Variants in ZNF536 observed in about 807,000 individuals in gnomAD.
ZNF536 encodes zinc finger protein 536.
In ZNF536, 13 loss-of-function variants were observed where a neutral mutation model predicts 84.5. The ratio of observed to expected loss-of-function variants is 0.15; its 90% confidence interval spans 0.10 to 0.24. ZNF536 has a LOEUF of 0.24. ZNF536 is among the 10% of genes least tolerant of loss of function. ZNF536 has a pLI of 1.00. For synonymous variants in ZNF536, 811 were observed against 742.5 expected (o/e 1.09, Z -1.50); for missense variants, 1,536 against 1,747.5 (o/e 0.88, Z 2.16).
intron 1 of ZNF536, among the ~76,000 whole-genome samples, chr19:30,684,248 C>T (rs1250401021): frequency 6.6e-6 from 1 of 152,172 alleles, no homozygotes; most frequent in East Asian, 1.9e-4. Flanking sequence ...GATCCTCCCA[C>T]CTCAGCCTCC....
At chr19:30,289,823 T>C (rs1477108493) in intron 2 of ZNF536, among the ~76,000 whole-genome samples, 1 of 152,216 alleles carries the variant, frequency 6.6e-6, no homozygotes, top group Non-Finnish European at 1.5e-5. Flanking sequence ...GCACACTGCC[T>C]GTGTGTGTTG....
At position 30,534,941 on chromosome 19, in the gene ZNF536, C is replaced by T. The variant is rs1266348715; in HGVS notation, c.2265C>T (p.Tyr755=). Residue 755 remains tyrosine, a synonymous_variant, in exon 3 of 5, where the codon TAC becomes TAT. Transcript: ENST00000355537. ...SLGSAMKDCP[Y]CGKTFRTSHH... ...GCTCGGCCATGAAGGACTGCCCGTA[C>T]TGTGGGAAAACTTTCCGGACATCCC... is the stretch of plus-strand genomic sequence containing the variant. The T allele has an allele frequency of 1.9e-6, 3 of 1,613,808 alleles. No homozygotes were observed. The highest frequency in any genetic ancestry group is 2.5e-6 in the Non-Finnish European group (3 of 1,179,900).
intron 1 of ZNF536, among the ~76,000 whole-genome samples, chr19:30,410,076 G>A (rs2050416558): frequency 6.6e-6 from 1 of 151,826 alleles, no homozygotes; most frequent in Non-Finnish European, 1.5e-5. Context: ...AAAATAGTTC[G>A]TACATGGTGT....
intron 1 of ZNF536, among the ~76,000 whole-genome samples, chr19:30,621,726 G>C (rs2048489379): frequency 6.6e-6 from 1 of 152,264 alleles, no homozygotes; most frequent in Non-Finnish European, 1.5e-5. Context: ...CCACAGGCTG[G>C]GTGGATGCCG....
At chr19:30,505,815 G>T in intron 2 of ZNF536, among the ~76,000 whole-genome samples, 1 of 151,802 alleles carries the variant, frequency 6.6e-6, no homozygotes, top group African/African-American at 2.4e-5. Flanking sequence ...ACAGACATGC[G>T]CCAACGCACC....
In ZNF536 at chr19:30,377,093, C is replaced by T. The variant is rs944506052; in HGVS notation, c.-3+4537C>T. ...GCTTCTCTGTCATCGAGAGAGCCAA[C>T]GTGGCCTGACACTGGGGCAAAGATG... On this transcript the variant is annotated intron_variant, in intron 1 of 4. Coordinates refer to ENST00000355537, the MANE Select transcript of ZNF536 (RefSeq NM_014717.3). Among the ~76,000 whole-genome samples the T allele has an allele frequency of 3.3e-5, 5 of 152,110 alleles. 1 individual carries two copies. Among genetic ancestry groups the T allele is most frequent in the South Asian group, 4.1e-4 (2 of 4,822 alleles).
chr19:30,537,525 A>G (rs1474768020), intron 3 of ZNF536, among the ~76,000 whole-genome samples: 1 of 152,216 alleles, frequency 6.6e-6, no homozygotes, highest in Non-Finnish European at 1.5e-5. Context: ...CAGTGAGGAA[A>G]GGCGGTGCCT....
At chr19:30,663,290 C>A (rs1425190693) in intron 1 of ZNF536, among the ~76,000 whole-genome samples, 1 of 152,126 alleles carries the variant, frequency 6.6e-6, no homozygotes, top group Non-Finnish European at 1.5e-5. Context: ...TTTGTGTGAT[C>A]TTTGAACTGA....
At chr19:30,405,096 A>T (rs186992114) in intron 1 of ZNF536, among the ~76,000 whole-genome samples, 1 of 152,160 alleles carries the variant, frequency 6.6e-6, no homozygotes, top group South Asian at 2.1e-4. Context: ...CTGTCCGGGA[A>T]CCTCAAGGCA....
chr19:30,278,399 T>A (rs1159218767), intron 1 of ZNF536, among the ~76,000 whole-genome samples: 1 of 152,030 alleles, frequency 6.6e-6, no homozygotes, highest in Non-Finnish European at 1.5e-5. Flanking sequence ...TGGCCCCAAG[T>A]GGGGAGGCCC....
chr19:30,231,137 ATTAT>A (rs1026276606), intron 1 of ZNF536, among the ~76,000 whole-genome samples: 2 of 152,234 alleles, frequency 1.3e-5, no homozygotes, highest in Admixed American at 6.5e-5. Flanking sequence ...TGTTCTCAAC[ATTAT>A]TTAAAGTGAG....
intron 3 of ZNF536, among the ~76,000 whole-genome samples, chr19:30,541,043 A>C (rs1281924257): frequency 2.0e-5 from 3 of 152,304 alleles, no homozygotes; most frequent in East Asian, 3.9e-4. Context: ...GGTGGGGGTG[A>C]GTGGGAGTGG....
chr19:30,491,919 C>T (rs975093690), intron 2 of ZNF536, among the ~76,000 whole-genome samples: 4 of 151,926 alleles, frequency 2.6e-5, no homozygotes, highest in African/African-American at 7.3e-5. Flanking sequence ...ACTTTATATT[C>T]CTTGATCAGT....
At chr19:30,599,550 G>A (rs981625761) in intron 1 of ZNF536, among the ~76,000 whole-genome samples, 2 of 138,194 alleles carry the variant, frequency 1.4e-5, no homozygotes, top group African/African-American at 2.7e-5. Context: ...CTATTCATTC[G>A]CATATCCACT....
rs532015204 is a variant in ZNF536, at chr19:30,435,145, G to T, written c.-2-8416G>T. Among the ~76,000 whole-genome samples, 8 of 151,772 alleles carry T rather than the reference G, an allele frequency of 5.3e-5. No homozygotes were observed. In the East Asian group the frequency reaches 1.6e-3, roughly 30 times the overall value. ...TGATGATGATGCTGATGATGATGGTGATTATGATGGTGATGGTGGTGATGC... is the reference window on the plus strand; with the variant it reads ...TGATGATGATGCTGATGATGATGGTTATTATGATGGTGATGGTGGTGATGC... On this transcript the variant is annotated intron_variant, in intron 1 of 4. Transcript: ENST00000355537.
At chr19:30,336,693 G>T (rs1208554398) in intron 2 of ZNF536, among the ~76,000 whole-genome samples, 1 of 152,154 alleles carries the variant, frequency 6.6e-6, no homozygotes, top group African/African-American at 2.4e-5. Context: ...GAGGGTACAT[G>T]CCTGGAAAGC....
intron 1 of ZNF536, among the ~76,000 whole-genome samples, chr19:30,680,414 C>A (rs1321276786): frequency 2.5e-5 from 3 of 119,384 alleles, no homozygotes; most frequent in East Asian, 5.4e-4. Context: ...CCCCCCACCC[C>A]ACAACAGTCC....
At chr19:30,526,720 T>A (rs1358468973) in intron 2 of ZNF536, among the ~76,000 whole-genome samples, 1 of 74,796 alleles carries the variant, frequency 1.3e-5, no homozygotes, top group African/African-American at 5.8e-5. Context: ...CGAGACTCCG[T>A]CTCAAAAAAA....
At chr19:30,652,571 C>T (rs1200560213) in intron 1 of ZNF536, among the ~76,000 whole-genome samples, 1 of 152,134 alleles carries the variant, frequency 6.6e-6, no homozygotes, top group East Asian at 1.9e-4. Context: ...CATCCTGAGG[C>T]CCCCATGGAT....
Sources: allele counts gnomAD v4.1 joint callset (sites outside exome capture counted in the v4.1 genomes callset), GRCh38; gene constraint gnomAD v4.1.1; transcripts MANE v1.5; gene names NCBI Gene and HGNC (gene_info 2026-07-23, HGNC 2026-07-21).